ALCAM: variants seen among roughly 807,000 people sequenced by gnomAD.
ALCAM encodes activated leukocyte cell adhesion molecule.
Under a neutral mutation model 70.9 loss-of-function variants are expected in ALCAM, and 30 were observed. That is an observed-to-expected ratio of 0.42 (90% CI 0.32 to 0.57). The LOEUF (loss-of-function observed/expected upper bound fraction) is 0.57, where lower values mean the gene tolerates loss of function less well. Among genes scored for constraint, ALCAM ranks in the 20% least tolerant of loss-of-function variants. ALCAM has a pLI of 0.11. For missense variants in ALCAM, 591 were observed against 695.1 expected, an observed-to-expected ratio of 0.85 and a Z score of 1.68; for synonymous variants, 249 against 242.5, an observed-to-expected ratio of 1.03 and a Z score of -0.25.
Position 105,539,868 on chromosome 3 carries a change from T to C in ALCAM, c.731-107T>C, listed in dbSNP as rs1940071272. Reference sequence around the variant, plus strand: ...AAAGGTATATTTAAGCAATTACCATTACTAGCTTCTTGAGAAAATTATGTA... The same window carrying C: ...AAAGGTATATTTAAGCAATTACCATCACTAGCTTCTTGAGAAAATTATGTA... On this transcript the variant is annotated intron_variant, in intron 6 of 15. Transcript: ENST00000306107. The C allele has an allele frequency of 6.8e-6, 8 of 1,180,964 alleles. No homozygotes were observed. In the South Asian group the frequency reaches 1.4e-4, roughly 21 times the overall value. 73.2% of individuals were successfully genotyped at this position (1,180,964 alleles called of 1,614,324 possible).
intron 1 of ALCAM, among the ~76,000 whole-genome samples, chr3:105,467,078 A>G (rs1461541618): frequency 6.6e-6 from 1 of 151,340 alleles, no homozygotes; most frequent in African/African-American, 2.4e-5. Context: ...ATGTAATTTA[A>G]TCTCTTTAAA....
intron 1 of ALCAM, among the ~76,000 whole-genome samples, chr3:105,450,973 A>T (rs988890747): frequency 6.6e-6 from 1 of 152,134 alleles, no homozygotes; most frequent in Non-Finnish European, 1.5e-5. Context: ...GAGAATTAGG[A>T]TGGGGAAGAG....
At chr3:105,451,213 A>C (rs1261937326) in intron 1 of ALCAM, among the ~76,000 whole-genome samples, 6 of 151,924 alleles carry the variant, frequency 3.9e-5, no homozygotes, top group African/African-American at 1.5e-4. Flanking sequence ...AGCCTGGACA[A>C]TATATCAAGA....
chr3:105,405,899 C>T (rs551553681), intron 1 of ALCAM, among the ~76,000 whole-genome samples: 106 of 152,208 alleles, frequency 7.0e-4, no homozygotes, highest in Admixed American at 6.9e-3. Context: ...GAGGGTTGGG[C>T]TGTTATTTCT....
chr3:105,367,753 G>T (rs1418067919), intron 1 of ALCAM, among the ~76,000 whole-genome samples: 2 of 152,172 alleles, frequency 1.3e-5, no homozygotes, highest in Non-Finnish European at 2.9e-5. Flanking sequence ...TTCGCCTGAC[G>T]CTCTCCCCTT....
At chr3:105,459,001 A>G (rs891544226) in intron 1 of ALCAM, among the ~76,000 whole-genome samples, 1 of 152,206 alleles carries the variant, frequency 6.6e-6, no homozygotes, top group Non-Finnish European at 1.5e-5. Context: ...TCACTCAGTT[A>G]TTCACACAAA....
chr3:105,450,138 A>T (rs1456051682), intron 1 of ALCAM, among the ~76,000 whole-genome samples: 1 of 152,180 alleles, frequency 6.6e-6, no homozygotes, highest in Non-Finnish European at 1.5e-5. Flanking sequence ...ACCAGTTTGA[A>T]GGTGCTATGT....
At chr3:105,501,069 A>G (rs956854682) in intron 1 of ALCAM, among the ~76,000 whole-genome samples, 2 of 152,212 alleles carry the variant, frequency 1.3e-5, no homozygotes, top group East Asian at 1.9e-4. Context: ...AAGGCCTGGC[A>G]TGTTAGTGGC....
rs1356168477 is a variant in ALCAM, at chr3:105,367,436, C to T, written c.28C>T (p.Arg10Cys). MESKGASSCRLLFCLLISAT... is the reference protein window; with the variant it reads MESKGASSCCLLFCLLISAT... ...GGAATCCAAGGGGGCCAGTTCCTGC[C>T]GTCTGCTCTTCTGCCTCTTGATCTC... The change falls in exon 1 of 16, where the codon CGT becomes TGT. Residue 10 changes from arginine (R) to cysteine (C), a missense_variant. By Grantham distance (180) the Arg-to-Cys change is radical. Transcript: ENST00000306107. 1.2e-6 allele frequency: 2 copies of T among 1,613,886 alleles called. No homozygotes were observed. Among genetic ancestry groups the T allele is most frequent in the Admixed American group, 3.3e-5 (2 of 59,998 alleles).
At chr3:105,406,763 A>G (rs1324205787) in intron 1 of ALCAM, among the ~76,000 whole-genome samples, 6 of 152,218 alleles carry the variant, frequency 3.9e-5, no homozygotes, top group African/African-American at 1.4e-4. Context: ...ATGAAAAAAA[A>G]AAACTGGTTC....
rs940236360 is a variant in ALCAM, at chr3:105,522,955, G to A, written c.175-1334G>A. 1.7e-4 allele frequency among the ~76,000 whole-genome samples: 26 copies of A among 151,904 alleles called. No individual in the cohort carries two copies. In the Middle Eastern group the frequency reaches 0.014, roughly 79 times the overall value. On this transcript the variant is annotated intron_variant, in intron 2 of 15. Transcript: ENST00000306107. The stretch of plus-strand genomic sequence containing the variant: ...GAGATCGAGACTATCCTGGCTAACA[G>A]GGTGAAACCCCGTCTCTACTAAAAA...
Position 105,403,011 on chromosome 3 carries a change from A to G in ALCAM, c.73+35530A>G, listed in dbSNP as rs559597329. On this transcript the variant is annotated intron_variant, in intron 1 of 15. Coordinates refer to ENST00000306107, the MANE Select transcript of ALCAM (RefSeq NM_001627.4). ...GCCCAGGCTGGAGTGCAATTGTGCA[A>G]TCTCAGCTCATTGCAACCTCTTCTT... Among the ~76,000 whole-genome samples, 195 of 144,250 alleles carry G rather than the reference A, an allele frequency of 1.4e-3. 2 individuals are homozygous for G. The highest frequency in any genetic ancestry group is 4.1e-3 in the African/African-American group (159 of 38,502). 94.6% of individuals were successfully genotyped at this position (144,250 alleles called of 152,430 possible).
chr3:105,517,764 G>A (rs149542712), intron 1 of ALCAM, among the ~76,000 whole-genome samples: 1 of 152,218 alleles, frequency 6.6e-6, no homozygotes, highest in Non-Finnish European at 1.5e-5. Flanking sequence ...AATGGCTTTA[G>A]AGTATGTGGC....
At chr3:105,390,754 T>A (rs1935796621) in intron 1 of ALCAM, among the ~76,000 whole-genome samples, 1 of 151,692 alleles carries the variant, frequency 6.6e-6, no homozygotes, top group Non-Finnish European at 1.5e-5. Flanking sequence ...TGCTTTATCA[T>A]CTTGAGTTAA....
chr3:105,469,889 A>T (rs572331066), intron 1 of ALCAM, among the ~76,000 whole-genome samples: 24 of 150,874 alleles, frequency 1.6e-4, no homozygotes, highest in Admixed American at 1.2e-3. Flanking sequence ...TCATCATCTC[A>T]TATTGGAACT....
intron 1 of ALCAM, among the ~76,000 whole-genome samples, chr3:105,513,521 G>A (rs999591246): frequency 6.6e-6 from 1 of 151,882 alleles, no homozygotes; most frequent in African/African-American, 2.4e-5. Context: ...CTACCCTGTA[G>A]CTGTATTCCC....
intron 1 of ALCAM, among the ~76,000 whole-genome samples, chr3:105,367,852 C>T (rs944659410): frequency 6.6e-6 from 1 of 152,138 alleles, no homozygotes; most frequent in Non-Finnish European, 1.5e-5. Context: ...CACTGCGCCC[C>T]GAGCAGTTTT....
intron 12 of ALCAM, among the ~76,000 whole-genome samples, chr3:105,550,563 G>A (rs898642570): frequency 6.6e-6 from 1 of 151,460 alleles, no homozygotes; most frequent in East Asian, 1.9e-4. Flanking sequence ...CATGTTTTAT[G>A]TTCAGAGTGG....
intron 1 of ALCAM, among the ~76,000 whole-genome samples, chr3:105,492,238 C>T (rs965618271): frequency 3.3e-5 from 5 of 152,134 alleles, no homozygotes; most frequent in African/African-American, 1.2e-4. Context: ...TGGAGGTAAC[C>T]GCCCCCATGA....
Sources: allele counts gnomAD v4.1 joint callset (sites outside exome capture counted in the v4.1 genomes callset), GRCh38; gene constraint gnomAD v4.1.1; transcripts MANE v1.5; gene names NCBI Gene and HGNC (gene_info 2026-07-23, HGNC 2026-07-21).